Variants in CENPW observed in about 807,000 individuals in gnomAD.
CENPW encodes the protein centromere protein W, also known as cancer-up-regulated gene 2 protein.
A neutral mutation model predicts 11.1 loss-of-function variants in CENPW; 3 were observed. The observed-to-expected ratio is 0.27, with a 90% CI of 0.12 to 0.70. The LOEUF (loss-of-function observed/expected upper bound fraction) is 0.70, where lower values mean the gene tolerates loss of function less well. Among genes scored for constraint, CENPW ranks in the 30% least tolerant of loss-of-function variants. The pLI is 0.77. For synonymous variants in CENPW, 38 were observed against 42.0 expected (o/e 0.91, Z 0.37); for missense variants, 100 against 105.6 (o/e 0.95, Z 0.23).
At chr6:126,379,529 T>C in the CENPW span, among the ~76,000 whole-genome samples, 3 of 152,186 alleles carry the variant, frequency 2.0e-5, no homozygotes, top group African/African-American at 7.2e-5. Context: ...ATTTTTATTA[T>C]GCTGCTAACC....
the CENPW span, among the ~76,000 whole-genome samples, chr6:126,380,414 C>T: frequency 2.0e-5 from 3 of 152,104 alleles, no homozygotes; most frequent in Non-Finnish European, 1.5e-5. Context: ...TTGACTTAAC[C>T]CTGAAATTCA....
downstream of CENPW, among the ~76,000 whole-genome samples, chr6:126,353,342 TGAAA>T (rs375572225): frequency 1.3e-5 from 2 of 151,980 alleles, no homozygotes; most frequent in African/African-American, 4.8e-5. Flanking sequence ...ACTTTAAACT[TGAAA>T]GATATTTTCA....
the CENPW span, among the ~76,000 whole-genome samples, chr6:126,383,901 A>G: frequency 6.9e-4 from 105 of 152,194 alleles, 1 homozygote; most frequent in African/African-American, 2.5e-3. Context: ...CAGGACCTGA[A>G]CCCAACAAAT....
At chr6:126,348,336 A>G in intron 2 of CENPW, 130 bp from the exon 3 acceptor site, 1 of 579,346 alleles carries the variant, frequency 1.7e-6, no homozygotes, top group Non-Finnish European at 3.1e-6. Context: ...GTGATTTCCA[A>G]TTTGGAAAAT....
chr6:126,391,266 G>C, the CENPW span, among the ~76,000 whole-genome samples: 1 of 151,862 alleles, frequency 6.6e-6, no homozygotes, highest in African/African-American at 2.4e-5. Context: ...TCATTTGTAT[G>C]TCTTTTGAAA....
At chr6:126,396,366 G>T in the CENPW span, among the ~76,000 whole-genome samples, 1 of 152,200 alleles carries the variant, frequency 6.6e-6, no homozygotes, top group Admixed American at 6.5e-5. Flanking sequence ...CCTGGCTACT[G>T]CCAATGTTTA....
chr6:126,467,244 A>G, the CENPW span, among the ~76,000 whole-genome samples: 2 of 152,166 alleles, frequency 1.3e-5, no homozygotes, highest in East Asian at 3.9e-4. Context: ...TTCCAACTAT[A>G]CTACAGGGCT....
the CENPW span, among the ~76,000 whole-genome samples, chr6:126,361,860 G>A: frequency 6.6e-6 from 1 of 152,134 alleles, no homozygotes; most frequent in African/African-American, 2.4e-5. Context: ...GTGAAAGTGG[G>A]GGCTCCTCTG....
the CENPW span, among the ~76,000 whole-genome samples, chr6:126,475,661 A>G: frequency 6.6e-6 from 1 of 152,060 alleles, no homozygotes; most frequent in African/African-American, 2.4e-5. Flanking sequence ...AACCTTTCTT[A>G]TGTTTACATT....
chr6:126,434,223 G>A, the CENPW span, among the ~76,000 whole-genome samples: 1 of 152,002 alleles, frequency 6.6e-6, no homozygotes, highest in African/African-American at 2.4e-5. Flanking sequence ...TAGTTTGCTT[G>A]ATACCAACAT....
At position 126,340,309 on chromosome 6, in the gene CENPW, G is replaced by A; in HGVS notation, c.36G>A (p.Gln12=). ...CGACCATAGTCTCCCAGAGGAAGCAGATAAAGCGGAAGGCTCCCCGTGGCT... is the reference window on the plus strand; with the variant it reads ...CGACCATAGTCTCCCAGAGGAAGCAAATAAAGCGGAAGGCTCCCCGTGGCT... ...ALSTIVSQRK[Q]IKRKAPRGFL... Residue 12 remains glutamine (Q), a synonymous_variant, in exon 1 of 3, where the codon CAG becomes CAA. Coordinates refer to ENST00000368328, the MANE Select transcript of CENPW (RefSeq NM_001012507.4). 1 of 1,614,038 alleles carries A rather than the reference G, an allele frequency of 6.2e-7. No homozygotes were observed. The highest frequency in any genetic ancestry group is 8.5e-7 in the Non-Finnish European group (1 of 1,180,034).
chr6:126,468,753 A>G, the CENPW span, among the ~76,000 whole-genome samples: 1 of 152,208 alleles, frequency 6.6e-6, no homozygotes, highest in Non-Finnish European at 1.5e-5. Flanking sequence ...TTACATTGGA[A>G]TAACTATAAT....
At chr6:126,399,988 C>G in the CENPW span, among the ~76,000 whole-genome samples, 1 of 151,950 alleles carries the variant, frequency 6.6e-6, no homozygotes, top group East Asian at 1.9e-4. Context: ...GTGGTGTGTT[C>G]TTTTCCATTT....
chr6:126,405,516 A>T, the CENPW span, among the ~76,000 whole-genome samples: 1 of 151,036 alleles, frequency 6.6e-6, no homozygotes, highest in African/African-American at 2.4e-5. Context: ...AAATTTAAGG[A>T]TTTTTTTTTC....
At chr6:126,425,654 A>G in the CENPW span, among the ~76,000 whole-genome samples, 24 of 152,094 alleles carry the variant, frequency 1.6e-4, no homozygotes, top group Non-Finnish European at 2.8e-4. Context: ...AAATAGATCT[A>G]TAGCAAAAGA....
At chr6:126,405,736 C>T in the CENPW span, among the ~76,000 whole-genome samples, 1 of 151,852 alleles carries the variant, frequency 6.6e-6, no homozygotes, top group African/African-American at 2.4e-5. Flanking sequence ...TTGTCTGTTA[C>T]TAAGTTATTT....
chr6:126,461,542 G>T, the CENPW span, among the ~76,000 whole-genome samples: 1 of 151,898 alleles, frequency 6.6e-6, no homozygotes, highest in Non-Finnish European at 1.5e-5. Context: ...CCTAACACCA[G>T]TTGTGACCAT....
At chr6:126,410,170 T>C in the CENPW span, among the ~76,000 whole-genome samples, 1 of 152,146 alleles carries the variant, frequency 6.6e-6, no homozygotes, top group African/African-American at 2.4e-5. Context: ...GAACACTTCT[T>C]GTAAAGCCAG....
chr6:126,456,285 G>C, the CENPW span, among the ~76,000 whole-genome samples: 2 of 151,248 alleles, frequency 1.3e-5, no homozygotes, highest in Admixed American at 1.3e-4. Context: ...GAAGTGTCAT[G>C]TTACCTGACT....
Sources: allele counts gnomAD v4.1 joint callset (sites outside exome capture counted in the v4.1 genomes callset), GRCh38; gene constraint gnomAD v4.1.1; transcripts MANE v1.5; gene names NCBI Gene and HGNC (gene_info 2026-07-23, HGNC 2026-07-21).